The following UHRF2 variants were observed in gnomAD, a reference collection of about 807,000 sequenced individuals.
UHRF2 encodes E3 ubiquitin-protein ligase UHRF2.
Under a neutral mutation model 96.8 loss-of-function variants are expected in UHRF2, and 23 were observed. The ratio of observed to expected loss-of-function variants is 0.24; its 90% CI spans 0.17 to 0.34. The LOEUF (loss-of-function observed/expected upper bound fraction) is 0.34. UHRF2 is among the 10% of genes least tolerant of loss of function. UHRF2 has a pLI of 1.00. For missense variants in UHRF2, 685 were observed against 981.5 expected, an observed-to-expected ratio of 0.70 and a Z score of 4.04; for synonymous variants, 385 against 332.6, an observed-to-expected ratio of 1.16 and a Z score of -1.72.
chr9:6,426,163 G>A (rs1283420485), intron 2 of UHRF2, among the ~76,000 whole-genome samples: 1 of 152,216 alleles, frequency 6.6e-6, no homozygotes, highest in East Asian at 1.9e-4. Context: ...GAATTCGGAA[G>A]AGCATCAGGA....
intron 8 of UHRF2, among the ~76,000 whole-genome samples, chr9:6,483,077 G>A (rs953245849): frequency 1.3e-5 from 2 of 152,016 alleles, no homozygotes; most frequent in African/African-American, 4.8e-5. Context: ...TGTAATCTCA[G>A]CACTTTGGAA....
chr9:6,505,335 G>A (rs755516617), intron 15 of UHRF2, among the ~76,000 whole-genome samples: 3 of 151,834 alleles, frequency 2.0e-5, no homozygotes, highest in Admixed American at 6.6e-5. Flanking sequence ...TCACTCTGTC[G>A]TTCAGGGTAG....
chr9:6,481,583 C>G (rs1823929301), intron 6 of UHRF2, 60 bp from the exon 7 acceptor site: 5 of 1,571,078 alleles, frequency 3.2e-6, no homozygotes, highest in South Asian at 1.2e-5. Flanking sequence ...GGCTAATATT[C>G]TGTTACTAGC....
At chr9:6,488,078 C>T (rs1824415685) in intron 9 of UHRF2, among the ~76,000 whole-genome samples, 1 of 150,058 alleles carries the variant, frequency 6.7e-6, no homozygotes, top group South Asian at 2.1e-4. Context: ...CTGTCCCTAC[C>T]AAAAAAACAG....
chr9:6,483,349 C>G (rs1361347339), intron 8 of UHRF2, among the ~76,000 whole-genome samples: 2 of 146,112 alleles, frequency 1.4e-5, no homozygotes, highest in Non-Finnish European at 3.0e-5. Context: ...AAAAAAAAAT[C>G]CTTTATACAA....
chr9:6,458,800 A>G (rs1169068130), intron 3 of UHRF2, among the ~76,000 whole-genome samples: 1 of 152,228 alleles, frequency 6.6e-6, no homozygotes, highest in Non-Finnish European at 1.5e-5. Context: ...CACAACAGCA[A>G]AGACTTGGAA....
At chr9:6,433,827 TA>T (rs1820686252) in intron 2 of UHRF2, 86 bp from the exon 3 acceptor site, 2 of 1,391,432 alleles carry the variant, frequency 1.4e-6, no homozygotes, top group South Asian at 2.8e-5. Flanking sequence ...TTTACCATGA[TA>T]ACCCACAAAT....
chr9:6,448,756 A>G (rs1821672091), intron 3 of UHRF2, among the ~76,000 whole-genome samples: 1 of 152,222 alleles, frequency 6.6e-6, no homozygotes, highest in African/African-American at 2.4e-5. Context: ...CTTGAGTAAC[A>G]GGAGTTAAGA....
At chr9:6,419,630 A>T (rs1044264027) in intron 1 of UHRF2, among the ~76,000 whole-genome samples, 2 of 152,270 alleles carry the variant, frequency 1.3e-5, no homozygotes, top group Non-Finnish European at 2.9e-5. Flanking sequence ...CATTTCTTGA[A>T]GTTGATTCAA....
chr9:6,498,065 T>C lies in UHRF2; in HGVS notation c.1815T>C (p.Val605=). ...TTTCATCAAGCCATGGATTCTTGGT[T>C]TGGCGCTATCTTTTAAGAAGAGATG... ...PEISSSHGFL[V]WRYLLRRDDV... is the part of the protein sequence containing the mutation. Residue 605 remains valine (V), a synonymous_variant, in exon 12 of 16, where the codon GTT becomes GTC. Coordinates refer to ENST00000276893, the MANE Select transcript of UHRF2 (RefSeq NM_152896.3). 2 of 1,613,732 alleles carry C rather than the reference T, an allele frequency of 1.2e-6. No homozygotes were observed. Among genetic ancestry groups the C allele is most frequent in the African/African-American group, 1.3e-5 (1 of 75,050 alleles).
At chr9:6,464,237 C>G (rs1822728414) in intron 4 of UHRF2, among the ~76,000 whole-genome samples, 1 of 152,130 alleles carries the variant, frequency 6.6e-6, no homozygotes, top group Non-Finnish European at 1.5e-5. Context: ...TTGGATATAT[C>G]TTTTGTGAGG....
intron 1 of UHRF2, chr9:6,413,884 A>G (rs1819434657): frequency 2.4e-6 from 1 of 414,064 alleles, no homozygotes; most frequent in Non-Finnish European, 4.1e-6. Flanking sequence ...GGGCGTCCGG[A>G]GCGCAAATAT....
At chr9:6,451,443 T>C (rs1330149689) in intron 3 of UHRF2, among the ~76,000 whole-genome samples, 11 of 150,188 alleles carry the variant, frequency 7.3e-5, no homozygotes, top group African/African-American at 2.4e-4. Flanking sequence ...CCTTCTATCT[T>C]GTTTCTTACC....
chr9:6,479,740 C>G (rs1229846264), intron 6 of UHRF2, among the ~76,000 whole-genome samples: 1 of 152,158 alleles, frequency 6.6e-6, no homozygotes, highest in East Asian at 1.9e-4. Context: ...TAGTACTAAT[C>G]ATTTTATCTA....
chr9:6,487,171 A>ATTTTTTATTTTTTATTTTTATTTTTTT (rs1824337943), intron 9 of UHRF2, among the ~76,000 whole-genome samples: 29 of 83,820 alleles, frequency 3.5e-4, no homozygotes, highest in African/African-American at 1.4e-3. Flanking sequence ...TAGAGCTTTT[A>ATTTTTTATTTTTTATTTTTATTTTTTT]TTTTTTTTTC....
rs779355207 is a variant in UHRF2 at position 6,466,774 on chromosome 9, A to T, written c.863+5983A>T. Among the ~76,000 whole-genome samples the T allele has an allele frequency of 8.5e-5, 13 of 152,312 alleles. No individual in the cohort carries two copies. In the South Asian group the frequency reaches 1.5e-3, roughly 17 times the overall value. ...CATGCTGGCCTCCTTGTGTTGCTTG[A>T]TCACGCAAACATGCTCCTGCCTTGG... On this transcript the variant is annotated intron_variant, in intron 4 of 15. Coordinates refer to ENST00000276893, the MANE Select transcript of UHRF2 (RefSeq NM_152896.3).
chr9:6,446,814 CAGCCTGGGTGACAG>C (rs892579944), intron 3 of UHRF2, among the ~76,000 whole-genome samples: 1 of 151,836 alleles, frequency 6.6e-6, no homozygotes, highest in Non-Finnish European at 1.5e-5. Flanking sequence ...CACTGCACTC[CAGCCTGGGTGACAG>C]AGTGAGACTC....
chr9:6,499,813 C>G, intron 12 of UHRF2, 22 bp from the exon 13 acceptor site: 1 of 1,548,988 alleles, frequency 6.5e-7, no homozygotes. Context: ...GCATTGTACT[C>G]TCCCTCCTCC....
At chr9:6,458,052 C>T (rs994031043) in intron 3 of UHRF2, among the ~76,000 whole-genome samples, 2 of 152,092 alleles carry the variant, frequency 1.3e-5, no homozygotes, top group African/African-American at 4.8e-5. Context: ...CCCTCTTTTC[C>T]TGTTGTTTGG....
Sources: allele counts gnomAD v4.1 joint callset (sites outside exome capture counted in the v4.1 genomes callset), GRCh38; gene constraint gnomAD v4.1.1; transcripts MANE v1.5; gene names NCBI Gene and HGNC (gene_info 2026-07-23, HGNC 2026-07-21).